The following LIPA variants were observed in gnomAD, a reference collection of about 807,000 sequenced individuals.
The protein encoded by LIPA is lysosomal acid lipase/cholesteryl ester hydrolase.
Under a neutral mutation model 40.6 loss-of-function variants are expected in LIPA, and 26 were observed. The ratio of observed to expected loss-of-function variants is 0.64; its 90% CI spans 0.47 to 0.89. The LOEUF is 0.89. Among genes scored for constraint, LIPA ranks in the 40% least tolerant of loss-of-function variants. The pLI is 0.00. For synonymous variants in LIPA, 188 were observed against 168.4 expected, an observed-to-expected ratio of 1.12 and a Z score of -0.90; for missense variants, 455 against 479.6, an observed-to-expected ratio of 0.95 and a Z score of 0.48.
intron 2 of LIPA, among the ~76,000 whole-genome samples, chr10:89,357,896 CT>C (rs1843996638): frequency 1.3e-5 from 2 of 152,228 alleles, no homozygotes; most frequent in Admixed American, 1.3e-4. Context: ...TAAGGTATAT[CT>C]TATTCAAAAG....
At chr10:89,345,427 G>C (rs141309122), upstream of LIPA, among the ~76,000 whole-genome samples, 886 of 151,894 alleles carry the variant, frequency 5.8e-3, 14 homozygotes, top group East Asian at 0.05. Flanking sequence ...TACTCAGGAG[G>C]CTGAGGCAGG....
chr10:89,288,753 A>C (rs928388047), intron 1 of LIPA, among the ~76,000 whole-genome samples: 15 of 152,136 alleles, frequency 9.9e-5, no homozygotes, highest in African/African-American at 2.9e-4. Context: ...TGCCCCCTCC[A>C]TTATCTCTCA....
chr10:89,410,592 C>G (rs1450035838), intron 2 of LIPA, among the ~76,000 whole-genome samples: 2 of 152,192 alleles, frequency 1.3e-5, no homozygotes, highest in East Asian at 3.8e-4. Context: ...GTTAGGAGAA[C>G]TAGTGGCACT....
intron 1 of LIPA, chr10:89,278,373 TTC>T (rs1843299390): frequency 6.6e-6 from 1 of 152,238 alleles, no homozygotes; most frequent in Non-Finnish European, 1.5e-5. Flanking sequence ...CAGGAGGTAA[TTC>T]TCTCTGCTTT....
chr10:89,217,539 G>A (rs768640383), intron 8 of LIPA, among the ~76,000 whole-genome samples: 1 of 152,230 alleles, frequency 6.6e-6, no homozygotes, highest in Non-Finnish European at 1.5e-5. Context: ...AAGCACCAGC[G>A]TGAGCACAGA....
At chr10:89,314,336 T>C (rs1843530956) in intron 1 of LIPA, among the ~76,000 whole-genome samples, 1 of 152,244 alleles carries the variant, frequency 6.6e-6, no homozygotes, top group Non-Finnish European at 1.5e-5. Context: ...TTTGACTCCA[T>C]ATGTAAGTTC....
At chr10:89,378,017 C>T in intron 2 of LIPA, 1 of 1,045,756 alleles carries the variant, frequency 9.6e-7, no homozygotes. Context: ...CCTGGATATA[C>T]CTCCCATATA....
At chr10:89,223,652 A>G in intron 7 of LIPA, 32 bp downstream of exon 7, 1 of 1,567,080 alleles carries the variant, frequency 6.4e-7, no homozygotes, top group Non-Finnish European at 8.8e-7. Context: ...CAGATAAAAA[A>G]AAAAATCAAA....
chr10:89,224,586 C>A (rs1842742929), intron 6 of LIPA, among the ~76,000 whole-genome samples: 1 of 152,214 alleles, frequency 6.6e-6, no homozygotes, highest in Admixed American at 6.5e-5. Flanking sequence ...TATTTCCTCC[C>A]TGAACAGAGG....
At position 89,364,127 on chromosome 10, in the gene LIPA, C is replaced by T. The variant is rs960388445; in HGVS notation, c.61+48664G>A. Among the ~76,000 whole-genome samples the T allele has an allele frequency of 3.3e-5, 5 of 152,294 alleles. No homozygotes were observed. In the South Asian group the frequency reaches 1.0e-3, roughly 32 times the overall value. ...GAAGCAACATAAAACTGTTTGGTGG[C>T]ACACATCGCATCATCAGCTCAACTC... On this transcript the variant is annotated intron_variant, in intron 2 of 8. Transcript: ENST00000371837.
intron 1 of LIPA, among the ~76,000 whole-genome samples, chr10:89,326,778 A>C (rs867372281): frequency 6.6e-6 from 1 of 152,248 alleles, no homozygotes; most frequent in African/African-American, 2.4e-5. Flanking sequence ...GCCCCACCCT[A>C]GACTGATGGT....
At chr10:89,367,843 G>A (rs981192398) in intron 2 of LIPA, among the ~76,000 whole-genome samples, 3 of 152,146 alleles carry the variant, frequency 2.0e-5, no homozygotes, top group Non-Finnish European at 4.4e-5. Flanking sequence ...TCCAGAGACA[G>A]GGCCTCACTC....
intron 2 of LIPA, chr10:89,402,823 T>C: frequency 6.2e-7 from 1 of 1,614,194 alleles, no homozygotes; most frequent in Non-Finnish European, 8.5e-7. Context: ...GGGTATGCGA[T>C]CTCTGCCTAT....
At chr10:89,319,049 G>A (rs1159239512) in intron 1 of LIPA, among the ~76,000 whole-genome samples, 7 of 152,166 alleles carry the variant, frequency 4.6e-5, no homozygotes, top group Admixed American at 3.9e-4. Flanking sequence ...GAATCTCTGG[G>A]ACATATTTAA....
At position 89,333,422 on chromosome 10, in the gene LIPA, A is replaced by G. The variant is rs948245382; in HGVS notation, c.-2+9189T>C. Among the ~76,000 whole-genome samples, 3 of 152,228 alleles carry G rather than the reference A, an allele frequency of 2.0e-5. No individual in the cohort carries two copies. In the South Asian group the frequency reaches 6.2e-4, roughly 31 times the overall value. ...TGAATGGCTTACAGAAGAAATGTCC[A>G]TCTCCAAATCCTCTCTTCCTTAAAT... On this transcript the variant is annotated intron_variant, in intron 1 of 5. Coordinates refer to the LIPA transcript ENST00000282673.
At chr10:89,388,286 A>G (rs61853149) in intron 2 of LIPA, among the ~76,000 whole-genome samples, 4,285 of 152,186 alleles carry the variant, frequency 0.028, 74 homozygotes, top group Middle Eastern at 0.044. Flanking sequence ...TTGTATTTTC[A>G]GTAGAGACAG....
chr10:89,317,699 T>G (rs1269005149), intron 1 of LIPA, among the ~76,000 whole-genome samples: 2 of 152,226 alleles, frequency 1.3e-5, no homozygotes, highest in Middle Eastern at 3.4e-3. Context: ...AACATTCAAA[T>G]TCAGGAAATA....
chr10:89,217,847 T>G (rs1842647198), intron 8 of LIPA, among the ~76,000 whole-genome samples: 1 of 152,256 alleles, frequency 6.6e-6, no homozygotes, highest in South Asian at 2.1e-4. Flanking sequence ...GTCTGGGCAT[T>G]TCTTTTTACC....
intron 1 of LIPA, among the ~76,000 whole-genome samples, chr10:89,342,118 G>T (rs969691014): frequency 6.6e-6 from 1 of 152,036 alleles, no homozygotes; most frequent in Non-Finnish European, 1.5e-5. Context: ...AGGCTAATGG[G>T]GGGTAACTGC....
Sources: allele counts gnomAD v4.1 joint callset (sites outside exome capture counted in the v4.1 genomes callset), GRCh38; gene constraint gnomAD v4.1.1; transcripts MANE v1.5; gene names NCBI Gene and HGNC (gene_info 2026-07-23, HGNC 2026-07-21).